The following TIPARP variants were observed in gnomAD, a reference collection of about 807,000 sequenced individuals.
TIPARP encodes protein mono-ADP-ribosyltransferase TIPARP.
In TIPARP, 12 loss-of-function variants were observed where a neutral mutation model predicts 56.5. The observed-to-expected ratio is 0.21, with a 90% confidence interval of 0.14 to 0.34. The LOEUF (loss-of-function observed/expected upper bound fraction) is 0.34, where lower values mean the gene tolerates loss of function less well. Ranked by LOEUF, TIPARP falls within the 10% of genes least tolerant of loss-of-function variation. The pLI is 1.00. For missense variants in TIPARP, 604 were observed against 781.6 expected (o/e 0.77, Z 2.71); for synonymous variants, 296 against 265.7 (o/e 1.11, Z -1.11).
At position 156,695,917 on chromosome 3, in the gene TIPARP, G is replaced by A. The variant is rs1302605426; in HGVS notation, c.1139G>A (p.Arg380Gln). 10 of 1,594,538 alleles carry A rather than the reference G, an allele frequency of 6.3e-6. No individual in the cohort carries two copies. The highest frequency in any genetic ancestry group is 8.5e-6 in the Non-Finnish European group (10 of 1,174,364). The change falls in exon 4 of 6, where the codon CGA becomes CAA. Residue 380 changes from arginine to glutamine, a missense_variant. Transcript: ENST00000295924. Reference protein sequence around the residue: ...EANSRGLKEVRFMMWNNHYIL... With the variant: ...EANSRGLKEVQFMMWNNHYIL... ...AACTCTCGGGGTCTGAAAGAGGTTC[G>A]ATTTATGATGTGGAATAACCACTAC...
intron 1 of TIPARP, among the ~76,000 whole-genome samples, chr3:156,676,305 C>T (rs1002077210): frequency 1.3e-5 from 2 of 152,160 alleles, no homozygotes; most frequent in Non-Finnish European, 2.9e-5. Flanking sequence ...TCCTTTTGTA[C>T]TTATCATGTA....
At chr3:156,698,763 A>G (rs1003324816) in intron 4 of TIPARP, among the ~76,000 whole-genome samples, 3 of 152,174 alleles carry the variant, frequency 2.0e-5, no homozygotes, top group African/African-American at 4.8e-5. Context: ...AAGACCTCCT[A>G]TTTTAACAGT....
intron 3 of TIPARP, 82 bp downstream of exon 3, chr3:156,694,270 C>T (rs1294268851): frequency 2.3e-6 from 3 of 1,314,194 alleles, no homozygotes; most frequent in African/African-American, 3.0e-5. Context: ...TTCTTTACAA[C>T]AATGACTAGG....
At chr3:156,704,520 C>T (rs1170145360) in intron 5 of TIPARP, among the ~76,000 whole-genome samples, 164 bp from the exon 6 acceptor site, 2 of 152,200 alleles carry the variant, frequency 1.3e-5, no homozygotes, top group African/African-American at 2.4e-5. Flanking sequence ...AAGGCCTTTT[C>T]TACAGTGGAA....
At chr3:156,688,362 G>T (rs1265155013) in intron 2 of TIPARP, among the ~76,000 whole-genome samples, 1 of 91,096 alleles carries the variant, frequency 1.1e-5, no homozygotes, top group African/African-American at 4.6e-5. Context: ...GGTGACAGAA[G>T]ACCCTATCTC....
chr3:156,702,529 G>T (rs1305247827), intron 4 of TIPARP, among the ~76,000 whole-genome samples: 1 of 152,134 alleles, frequency 6.6e-6, no homozygotes, highest in Non-Finnish European at 1.5e-5. Context: ...ATACATTTTG[G>T]CACACATTAT....
intron 2 of TIPARP, among the ~76,000 whole-genome samples, chr3:156,688,115 G>A (rs1050465426): frequency 1.3e-5 from 2 of 152,082 alleles, no homozygotes; most frequent in African/African-American, 4.8e-5. Context: ...GAGGCTGGGC[G>A]CAGTGGCTCA....
rs1722990491 is a variant in TIPARP at position 156,706,676 on chromosome 3, C to A, written c.*1545C>A. The A allele has an allele frequency of 6.6e-6, 1 of 152,350 alleles. No individual in the cohort carries two copies. 9.4% of individuals were successfully genotyped at this position (152,350 alleles called of 1,614,324 possible). A position where few individuals can be genotyped will look rare whatever the true frequency, so the allele number is the denominator to read the frequency against. ...CTTATTTGGTTTTATGAGACTTGTTCCTTTTTTTCTCCCTAAGGAAAAAGA... is the reference window on the plus strand; with the variant it reads ...CTTATTTGGTTTTATGAGACTTGTTACTTTTTTTCTCCCTAAGGAAAAAGA... On this transcript the variant is annotated 3_prime_UTR_variant, in exon 6 of 6. Transcript: ENST00000295924.
intron 5 of TIPARP, 107 bp downstream of exon 5, chr3:156,703,809 C>T (rs181862694): frequency 1.0e-5 from 12 of 1,177,108 alleles, no homozygotes; most frequent in African/African-American, 6.2e-5. Context: ...GTCAGGAGAT[C>T]GAGACCATCC....
At chr3:156,675,417 TAGAGAG>T (rs896459634) in intron 1 of TIPARP, 1 of 152,002 alleles carries the variant, frequency 6.6e-6, no homozygotes. Flanking sequence ...AAAGAAGAAT[TAGAGAG>T]AGAAGGCGCC....
chr3:156,704,664 C>T lies in TIPARP; in HGVS notation c.1527-20C>T. On this transcript the variant is annotated intron_variant, in intron 5 of 5. Transcript: ENST00000295924. ...CCTGTATTTCATCCTTCTGAATTCT[C>T]TGTCTGTTCTTTCCATTAGGAAAAA... 6.3e-7 allele frequency: 1 copy of T among 1,596,328 alleles called. No individual in the cohort carries two copies. The highest frequency in any genetic ancestry group is 8.5e-7 in the Non-Finnish European group (1 of 1,170,814).
intron 4 of TIPARP, among the ~76,000 whole-genome samples, chr3:156,700,729 C>T (rs1722826308): frequency 1.3e-5 from 2 of 152,148 alleles, no homozygotes; most frequent in Admixed American, 1.3e-4. Flanking sequence ...TTTAATCCCC[C>T]CTGAAAAGGA....
At position 156,694,201 on chromosome 3, in the gene TIPARP, T is replaced by G. The variant is rs1722653121; in HGVS notation, c.1086+13T>G. 3 of 1,571,096 alleles carry G rather than the reference T, an allele frequency of 1.9e-6. No homozygotes were observed. Among genetic ancestry groups the G allele is most frequent in the African/African-American group, 1.4e-5 (1 of 72,342 alleles). The stretch of plus-strand genomic sequence containing the variant: ...AGAGTATCCCGAGGTATTTACAGAT[T>G]CTTTGTTGACAAGTACATTTTTCAA... On this transcript the variant is annotated intron_variant, in intron 3 of 5. Coordinates refer to ENST00000295924, the MANE Select transcript of TIPARP (RefSeq NM_015508.5).
intron 4 of TIPARP, 149 bp downstream of exon 4, chr3:156,696,174 C>G: frequency 2.5e-6 from 2 of 785,624 alleles, no homozygotes; most frequent in Non-Finnish European, 3.8e-6. Flanking sequence ...TTTAATTCCT[C>G]AACAAATTGA....
At chr3:156,678,754 C>A in intron 2 of TIPARP, 140 bp downstream of exon 2, 1 of 712,468 alleles carries the variant, frequency 1.4e-6, no homozygotes, top group Non-Finnish European at 2.2e-6. Context: ...CTGTGCTGTC[C>A]TGATTTTTCA....
At chr3:156,704,565 G>T in intron 5 of TIPARP, 119 bp from the exon 6 acceptor site, 1 of 996,656 alleles carries the variant, frequency 1.0e-6, no homozygotes, top group Admixed American at 2.6e-5. Context: ...ATCTTTGATG[G>T]CATTTTGCCC....
intron 1 of TIPARP, among the ~76,000 whole-genome samples, chr3:156,677,331 C>T (rs1169398987): frequency 7.9e-5 from 12 of 152,164 alleles, no homozygotes; most frequent in Non-Finnish European, 1.5e-4. Flanking sequence ...TTTCTACCTC[C>T]CATTTCCCAC....
intron 2 of TIPARP, among the ~76,000 whole-genome samples, chr3:156,683,793 A>T (rs147785989): frequency 1.3e-5 from 2 of 152,226 alleles, no homozygotes; most frequent in African/African-American, 4.8e-5. Context: ...AGGATAAAGC[A>T]GTATGTAGTC....
Position 156,705,193 on chromosome 3 carries a change from G to A in TIPARP, c.*62G>A. On this transcript the variant is annotated 3_prime_UTR_variant, in exon 6 of 6. Transcript: ENST00000295924. ...CAATCCAGCATTTGTAGCAGGTTTT[G>A]AATGGGTGGGACTGGGTGGGGAACA... The A allele has an allele frequency of 8.2e-6, 4 of 486,512 alleles. No homozygotes were observed. The highest frequency in any genetic ancestry group is 3.6e-5 in the South Asian group (2 of 56,124). The allele number at this position is 486,512 out of a possible 1,614,324, so 30.1% of individuals were successfully genotyped here.
Sources: allele counts gnomAD v4.1 joint callset (sites outside exome capture counted in the v4.1 genomes callset), GRCh38; gene constraint gnomAD v4.1.1; transcripts MANE v1.5; gene names NCBI Gene and HGNC (gene_info 2026-07-23, HGNC 2026-07-21).